GGT6: variants seen among roughly 807,000 people sequenced by gnomAD.
GGT6 encodes the protein gamma-glutamyltransferase 6, also known as glutathione hydrolase 6.
GGT6 carries 13 observed loss-of-function variants against 17.0 expected under a neutral mutation model. The observed-to-expected ratio is 0.77, with a 90% CI of 0.50 to 1.22. GGT6 has a LOEUF of 1.22. Among genes scored for constraint, GGT6 ranks in the 50% most tolerant of loss-of-function variants. GGT6 has a pLI of 0.00. For synonymous variants in GGT6, 305 were observed against 297.9 expected (o/e 1.02, Z -0.25); for missense variants, 628 against 643.7 (o/e 0.98, Z 0.26).
chr17:4,560,480 C>G lies in GGT6; in HGVS notation c.42G>C (p.Leu14=). ...AEEPVVYQKL[L]PWEPSLESEE... ...CCGACTCCAAGCTTGGCTCCCAGGG[C>G]AGCAGCTTCTGATAGACCACGGGCT... The change falls in exon 1 of 4, where the codon CTG becomes CTC. Residue 14 remains leucine (L), a synonymous_variant. Coordinates refer to ENST00000381550, the MANE Select transcript of GGT6 (RefSeq NM_001288702.2). The G allele has an allele frequency of 6.2e-7, 1 of 1,613,578 alleles. No individual in the cohort carries two copies. The highest frequency in any genetic ancestry group is 1.3e-5 in the African/African-American group (1 of 75,068).
Position 4,558,580 on chromosome 17 carries a change from C to A in GGT6, c.935G>T (p.Gly312Val). The change falls in exon 4 of 4, where the codon GGC becomes GTC. Residue 312 changes from glycine to valine, a missense_variant. Coordinates refer to ENST00000381550, the MANE Select transcript of GGT6 (RefSeq NM_001288702.2). ...EPAEQLPVPQ[G>V]ILFTTPSPSA... Reference sequence around the variant, plus strand: ...GGGACTGGGGGTGGTGAACAGGATGCCCTGGGGCACAGGTAGCTGCTCTGC... The same window carrying A: ...GGGACTGGGGGTGGTGAACAGGATGACCTGGGGCACAGGTAGCTGCTCTGC... 1 of 1,564,302 alleles carries A rather than the reference C, an allele frequency of 6.4e-7. No homozygotes were observed. Among genetic ancestry groups the A allele is most frequent in the Non-Finnish European group, 8.7e-7 (1 of 1,155,026 alleles).
Position 4,558,258 on chromosome 17 carries a change from A to C in GGT6, c.1257T>G (p.Ala419=), listed in dbSNP as rs747736880. Residue 419 remains alanine, a synonymous_variant, in exon 4 of 4, where the codon GCT becomes GCG. Coordinates refer to ENST00000381550, the MANE Select transcript of GGT6 (RefSeq NM_001288702.2). The part of the protein sequence containing the change: ...ILRGSLDDTE[A]DVLGLVASGT... ...CTGAAGCCACAAGCCCCAACACATC[A>C]GCCTCTGTGTCATCCAGGCTGCCAC... The C allele has an allele frequency of 1.2e-6, 2 of 1,614,194 alleles. No homozygotes were observed. Among genetic ancestry groups the C allele is most frequent in the South Asian group, 1.1e-5 (1 of 91,088 alleles).
intron 1 of GGT6, 86 bp downstream of exon 1, chr17:4,560,296 C>T: frequency 6.7e-7 from 1 of 1,496,098 alleles, no homozygotes; most frequent in Non-Finnish European, 9.2e-7. Context: ...CGGGGAGTCG[C>T]CTGGTCCCCC....
chr17:4,559,794 G>A, intron 1 of GGT6, 34 bp from the exon 2 acceptor site: 1 of 1,593,574 alleles, frequency 6.3e-7, no homozygotes, highest in Admixed American at 1.7e-5. Context: ...CCACGGCTGG[G>A]ACAGAGGGAT....
downstream of GGT6, among the ~76,000 whole-genome samples, chr17:4,556,762 G>A (rs1190862105): frequency 1.3e-5 from 2 of 150,760 alleles, no homozygotes; most frequent in African/African-American, 2.4e-5. Context: ...TGCACATCTG[G>A]TGCCCCAGGA....
Position 4,558,579 on chromosome 17 carries a change from G to A in GGT6, c.936C>T (p.Gly312=). 2 of 1,565,630 alleles carry A rather than the reference G, an allele frequency of 1.3e-6. No individual in the cohort carries two copies. Among genetic ancestry groups the A allele is most frequent in the Non-Finnish European group, 1.7e-6 (2 of 1,155,606 alleles). ...EPAEQLPVPQ[G]ILFTTPSPSA... is the part of the protein sequence containing the mutation. ...AGGGACTGGGGGTGGTGAACAGGAT[G>A]CCCTGGGGCACAGGTAGCTGCTCTG... The change falls in exon 4 of 4, where the codon GGC becomes GGT. Residue 312 remains glycine, a synonymous_variant. Coordinates refer to ENST00000381550, the MANE Select transcript of GGT6 (RefSeq NM_001288702.2).
At chr17:4,556,817 C>G (rs1908180347), downstream of GGT6, 2 of 152,276 alleles carry the variant, frequency 1.3e-5, no homozygotes, top group African/African-American at 4.8e-5. Context: ...GATACCAACC[C>G]AGGCTCTCCC....
rs765028133 is a variant in GGT6 at position 4,559,576 on chromosome 17, C to T, written c.325G>A (p.Ala109Thr). Residue 109 changes from alanine to threonine, a missense_variant, in exon 2 of 4, where the codon GCC becomes ACC. Coordinates refer to ENST00000381550, the MANE Select transcript of GGT6 (RefSeq NM_001288702.2). Reference sequence around the variant, plus strand: ...GACTGACCTGCAGGGCTGATGATGGCACCGTGGTGGTATACGCCAGGGCCG... The same window carrying T: ...GACTGACCTGCAGGGCTGATGATGGTACCGTGGTGGTATACGCCAGGGCCG... Reference protein sequence around the residue: ...SHGPGVYHHGAIISPAATCSH... With the variant: ...SHGPGVYHHGTIISPAATCSH... 2 of 1,613,784 alleles carry T rather than the reference C, an allele frequency of 1.2e-6. No homozygotes were observed. Among genetic ancestry groups the T allele is most frequent in the South Asian group, 1.1e-5 (1 of 91,080 alleles).
chr17:4,558,352 G>C lies in GGT6; in HGVS notation c.1163C>G (p.Thr388Ser), dbSNP rs1484219696. 1 of 1,608,116 alleles carries C rather than the reference G, an allele frequency of 6.2e-7. No individual in the cohort carries two copies. The highest frequency in any genetic ancestry group is 8.5e-7 in the Non-Finnish European group (1 of 1,180,022). The change falls in exon 4 of 4, where the codon ACT becomes AGT. Residue 388 changes from threonine (T) to serine (S), a missense_variant. Coordinates refer to ENST00000381550, the MANE Select transcript of GGT6 (RefSeq NM_001288702.2). ...CACCAGGTTGCTGAGCAGAACCCCA[G>C]TGCTTGGGGACAGGTGTGCAGAGCC... ...SFGSAHLSPSTGVLLSNLVAK... is the reference protein window; with the variant it reads ...SFGSAHLSPSSGVLLSNLVAK...
chr17:4,560,544 C>T lies in GGT6; in HGVS notation c.-23G>A. The T allele has an allele frequency of 6.2e-7, 1 of 1,605,924 alleles. No individual in the cohort carries two copies. ...CATGGCCCCCCAGTGCTCGCCCCAGCCCTCCTGCCTGCCAGCCTTTCCGGC... is the reference window on the plus strand; with the variant it reads ...CATGGCCCCCCAGTGCTCGCCCCAGTCCTCCTGCCTGCCAGCCTTTCCGGC... On this transcript the variant is annotated 5_prime_UTR_variant, in exon 1 of 4. Transcript: ENST00000381550.
At chr17:4,559,856 A>G in intron 1 of GGT6, 96 bp from the exon 2 acceptor site, 1 of 1,127,360 alleles carries the variant, frequency 8.9e-7, no homozygotes, top group Non-Finnish European at 1.3e-6. Flanking sequence ...GGTTTGATTT[A>G]GCAAGAGGAG....
chr17:4,559,812 G>A, intron 1 of GGT6, 52 bp from the exon 2 acceptor site: 1 of 1,474,694 alleles, frequency 6.8e-7, no homozygotes, highest in Non-Finnish European at 9.4e-7. Flanking sequence ...GATGCCCAAG[G>A]ACCCCAAGAG....
In GGT6 at chr17:4,559,734, G is replaced by T; in HGVS notation, c.167C>A (p.Thr56Asn). 6.2e-7 allele frequency: 1 copy of T among 1,611,848 alleles called. No individual in the cohort carries two copies. Among genetic ancestry groups the T allele is most frequent in the Non-Finnish European group, 8.5e-7 (1 of 1,179,936 alleles). Residue 56 changes from threonine (T) to asparagine (N), a missense_variant, in exon 2 of 4, where the codon ACC (threonine) becomes AAC (asparagine). Thr to Asn is a moderately conservative substitution (Grantham distance 65). Transcript: ENST00000381550. ...SRNKAGGLPG[T>N]WARVVAALLL... The stretch of plus-strand genomic sequence containing the variant: ...CAGGGCTGCCACTACACGGGCCCAG[G>T]TTCCGGGCAGCCCGCCAGCCTTGTT...
chr17:4,556,209 T>C (rs1015471851), downstream of GGT6, among the ~76,000 whole-genome samples: 1 of 152,192 alleles, frequency 6.6e-6, no homozygotes, highest in East Asian at 1.9e-4. Context: ...AAGATGATGC[T>C]GGCTGCTGTG....
rs1328521766 is a variant in GGT6, at chr17:4,557,305, T to TA, written c.*709dup. The stretch of plus-strand genomic sequence containing the variant: ...GCCTGAGCCAGCAGTGAGCACATAA[T>TA]AAATCCTTTTTTTTTTTTTTTTTTT... On this transcript the variant is annotated 3_prime_UTR_variant, in exon 4 of 4. Transcript: ENST00000381550. 2.7e-5 allele frequency: 4 copies of TA among 146,938 alleles called. No individual in the cohort carries two copies. The highest frequency in any genetic ancestry group is 1.0e-4 in the African/African-American group (4 of 39,918). 9.1% of individuals were successfully genotyped at this position (146,938 alleles called of 1,614,324 possible).
At position 4,559,047 on chromosome 17, in the gene GGT6, A is replaced by G; in HGVS notation, c.468T>C (p.Phe156=). The G allele has an allele frequency of 6.5e-7, 1 of 1,540,916 alleles. No individual in the cohort carries two copies. The highest frequency in any genetic ancestry group is 8.7e-7 in the Non-Finnish European group (1 of 1,146,868). The change falls in exon 4 of 4, where the codon TTT becomes TTC. Residue 156 remains phenylalanine (F), a synonymous_variant. Coordinates refer to ENST00000381550, the MANE Select transcript of GGT6 (RefSeq NM_001288702.2). ...HPHATGLGAM[F]WGLFHDSSSG... ...AGGAGCTATCGTGGAAGAGGCCCCA[A>G]AACATGGCACCTGCAGGAGACAGAG...
At position 4,559,431 on chromosome 17, in the gene GGT6, C is replaced by T. The variant is rs762211427; in HGVS notation, c.369G>A (p.Glu123=). 2 of 1,552,240 alleles carry T rather than the reference C, an allele frequency of 1.3e-6. No homozygotes were observed. Among genetic ancestry groups the T allele is most frequent in the South Asian group, 2.4e-5 (2 of 84,168 alleles). The change falls in exon 3 of 4, where the codon GAG becomes GAA. Residue 123 remains glutamate (E), a synonymous_variant. Coordinates refer to ENST00000381550, the MANE Select transcript of GGT6 (RefSeq NM_001288702.2). ...CGACGTTGCCCCCGGCAACAAGCAG[C>T]TCTCGGCCTAGGTGGGAGCATGTGG... ...PAATCSHLGR[E]LLVAGGNVVD...
At position 4,559,443 on chromosome 17, in the gene GGT6, G is replaced by A; in HGVS notation, c.357C>T (p.His119=). 1 of 1,553,000 alleles carries A rather than the reference G, an allele frequency of 6.4e-7. No homozygotes were observed. Among genetic ancestry groups the A allele is most frequent in the Non-Finnish European group, 8.7e-7 (1 of 1,147,682 alleles). The change falls in exon 3 of 4, where the codon CAC becomes CAT. Residue 119 remains histidine (H), a synonymous_variant. Transcript: ENST00000381550. The part of the protein sequence containing the change: ...AIISPAATCS[H]LGRELLVAGG... ...CGGCAACAAGCAGCTCTCGGCCTAG[G>A]TGGGAGCATGTGGCTGCAGCAAGGA...
intron 3 of GGT6, 31 bp from the exon 4 acceptor site, chr17:4,559,088 C>T (rs1271225358): frequency 5.8e-6 from 9 of 1,539,312 alleles, no homozygotes; most frequent in East Asian, 2.4e-5. Context: ...CCTCAGCAGC[C>T]GCAGGTCAAG....
Sources: allele counts gnomAD v4.1 joint callset (sites outside exome capture counted in the v4.1 genomes callset), GRCh38; gene constraint gnomAD v4.1.1; transcripts MANE v1.5; gene names NCBI Gene and HGNC (gene_info 2026-07-23, HGNC 2026-07-21).